Variants in MSI2 observed in about 807,000 individuals in gnomAD.
MSI2 encodes the protein musashi RNA binding protein 2.
Under a neutral mutation model 45.6 loss-of-function variants are expected in MSI2, and 17 were observed. The ratio of observed to expected loss-of-function variants is 0.37; its 90% CI spans 0.26 to 0.56. The LOEUF (loss-of-function observed/expected upper bound fraction) is 0.56, where lower values mean the gene tolerates loss of function less well. Among genes scored for constraint, MSI2 ranks in the 20% least tolerant of loss-of-function variants. The pLI, the probability that MSI2 is intolerant of heterozygous loss-of-function variation, is 0.77. For missense variants in MSI2, 293 were observed against 444.2 expected (o/e 0.66, Z 3.06); for synonymous variants, 156 against 158.2 (o/e 0.99, Z 0.11).
At chr17:57,515,728 C>T (rs907091974) in intron 6 of MSI2, among the ~76,000 whole-genome samples, 1 of 152,002 alleles carries the variant, frequency 6.6e-6, no homozygotes, top group African/African-American at 2.4e-5. Flanking sequence ...TTGTGTATGC[C>T]AGCGCCAAAT....
At chr17:57,645,110 G>C (rs1375015811) in intron 10 of MSI2, among the ~76,000 whole-genome samples, 1 of 152,184 alleles carries the variant, frequency 6.6e-6, no homozygotes, top group Non-Finnish European at 1.5e-5. Context: ...TCTAAATCAA[G>C]GGTTCTCTGC....
At chr17:57,478,996 G>A (rs1598315355) in intron 6 of MSI2, among the ~76,000 whole-genome samples, 1 of 152,088 alleles carries the variant, frequency 6.6e-6, no homozygotes, top group African/African-American at 2.4e-5. Context: ...CAGCCTTCAT[G>A]GAGCTTAATT....
intron 10 of MSI2, among the ~76,000 whole-genome samples, chr17:57,643,165 G>T (rs1438024952): frequency 1.3e-5 from 2 of 152,114 alleles, no homozygotes; most frequent in Admixed American, 6.5e-5. Context: ...AGGTTGAAAA[G>T]GTACCCTACT....
chr17:57,554,650 G>GGCT (rs1165918454), intron 7 of MSI2, among the ~76,000 whole-genome samples: 1 of 152,238 alleles, frequency 6.6e-6, no homozygotes, highest in Non-Finnish European at 1.5e-5. Context: ...CTGTGTACTG[G>GGCT]GCTGAGCAAT....
chr17:57,335,241 A>G (rs1914614530), intron 5 of MSI2, among the ~76,000 whole-genome samples: 1 of 152,088 alleles, frequency 6.6e-6, no homozygotes, highest in South Asian at 2.1e-4. Context: ...TGGATAATAT[A>G]GTAACTGGTG....
chr17:57,270,297 G>C (rs1908239493), intron 5 of MSI2, among the ~76,000 whole-genome samples: 1 of 152,132 alleles, frequency 6.6e-6, no homozygotes, highest in African/African-American at 2.4e-5. Flanking sequence ...GGGTAAACTG[G>C]GGCCTGAGAG....
intron 10 of MSI2, chr17:57,629,547 T>G (rs999651463): frequency 1.3e-5 from 2 of 152,274 alleles, no homozygotes; most frequent in African/African-American, 2.4e-5. Flanking sequence ...CAGCACAGAA[T>G]GTAGAACAGT....
intron 8 of MSI2, among the ~76,000 whole-genome samples, chr17:57,611,801 T>G (rs1308225328): frequency 1.0e-5 from 1 of 95,574 alleles, no homozygotes; most frequent in African/African-American, 3.3e-5. Flanking sequence ...CCAGCCTCGT[T>G]GAGGCCTCCT....
At chr17:57,602,212 TA>T (rs1905963494) in intron 8 of MSI2, among the ~76,000 whole-genome samples, 1 of 152,016 alleles carries the variant, frequency 6.6e-6, no homozygotes. Context: ...ATTTTTTTTT[TA>T]ATTTTTTTTT....
chr17:57,271,863 A>T (rs1908406570), intron 5 of MSI2, among the ~76,000 whole-genome samples: 1 of 151,374 alleles, frequency 6.6e-6, no homozygotes, highest in African/African-American at 2.4e-5. Context: ...GAGGGGAAAG[A>T]GTGAGGAGGG....
chr17:57,352,145 C>G (rs368316837), intron 5 of MSI2, among the ~76,000 whole-genome samples: 1 of 152,142 alleles, frequency 6.6e-6, no homozygotes, highest in East Asian at 1.9e-4. Context: ...AGTGTCTGCA[C>G]CAAGTAGGCA....
intron 7 of MSI2, among the ~76,000 whole-genome samples, chr17:57,541,838 C>A (rs1220534494): frequency 1.3e-5 from 2 of 152,232 alleles, no homozygotes; most frequent in African/African-American, 4.8e-5. Context: ...ATTTCTCCCT[C>A]AACTTGCCAC....
chr17:57,359,461 C>T (rs1189668656), intron 5 of MSI2, among the ~76,000 whole-genome samples: 1 of 152,160 alleles, frequency 6.6e-6, no homozygotes, highest in Non-Finnish European at 1.5e-5. Context: ...GCGGACTTAC[C>T]TGTCTGAGTC....
chr17:57,644,148 TTC>T (rs1331994991), intron 10 of MSI2, among the ~76,000 whole-genome samples: 1 of 151,972 alleles, frequency 6.6e-6, no homozygotes, highest in Non-Finnish European at 1.5e-5. Flanking sequence ...ATGTCAGGCT[TTC>T]TCCCAAAAAA....
chr17:57,382,809 T>TA (rs954550662), intron 5 of MSI2, among the ~76,000 whole-genome samples: 27 of 152,340 alleles, frequency 1.8e-4, no homozygotes, highest in East Asian at 1.5e-3. Context: ...CCAAATGTCT[T>TA]ACGATGAAAT....
intron 8 of MSI2, chr17:57,601,973 T>G (rs1029306144): frequency 6.6e-6 from 1 of 152,210 alleles, no homozygotes; most frequent in Non-Finnish European, 1.5e-5. Context: ...AACCCTCTGT[T>G]CTTCTCATTA....
At chr17:57,392,329 C>T (rs1231168310) in intron 5 of MSI2, among the ~76,000 whole-genome samples, 1 of 152,126 alleles carries the variant, frequency 6.6e-6, no homozygotes, top group African/African-American at 2.4e-5. Flanking sequence ...TAGGAGGGAG[C>T]CAGGTAGAGA....
At chr17:57,324,755 G>A (rs1406668070) in intron 5 of MSI2, among the ~76,000 whole-genome samples, 2 of 152,078 alleles carry the variant, frequency 1.3e-5, no homozygotes, top group Admixed American at 6.5e-5. Context: ...CTCTCCTCTT[G>A]ACCTGTGGCT....
At chr17:57,560,205 T>A (rs759980806) in intron 7 of MSI2, among the ~76,000 whole-genome samples, 4 of 152,212 alleles carry the variant, frequency 2.6e-5, no homozygotes, top group Non-Finnish European at 5.9e-5. Flanking sequence ...CGTAATGACA[T>A]CTTCATAACT....
Sources: allele counts gnomAD v4.1 joint callset (sites outside exome capture counted in the v4.1 genomes callset), GRCh38; gene constraint gnomAD v4.1.1; transcripts MANE v1.5; gene names NCBI Gene and HGNC (gene_info 2026-07-23, HGNC 2026-07-21).